Variants in GALNTL6 observed in about 807,000 individuals in gnomAD.
The protein encoded by GALNTL6 is polypeptide N-acetylgalactosaminyltransferase like 6.
Under a neutral mutation model 73.7 loss-of-function variants are expected in GALNTL6, and 46 were observed. The ratio of observed to expected loss-of-function variants is 0.62; its 90% CI spans 0.49 to 0.80. The LOEUF (loss-of-function observed/expected upper bound fraction) is 0.80. Ranked by LOEUF, GALNTL6 falls within the 30% of genes least tolerant of loss-of-function variation. The probability of loss-of-function intolerance (pLI) is 0.00; values close to 1 mark genes in which losing one functional copy is unlikely to be tolerated. For missense variants in GALNTL6, 604 were observed against 755.0 expected (o/e 0.80, Z 2.34); for synonymous variants, 259 against 263.7 (o/e 0.98, Z 0.17).
At chr4:172,157,042 A>G (rs1377994770) in intron 2 of GALNTL6, among the ~76,000 whole-genome samples, 1 of 152,134 alleles carries the variant, frequency 6.6e-6, no homozygotes, top group East Asian at 1.9e-4. Context: ...ACTAGGAACA[A>G]TATTTATAAG....
At chr4:171,964,463 T>A (rs1739325784) in intron 2 of GALNTL6, among the ~76,000 whole-genome samples, 1 of 152,188 alleles carries the variant, frequency 6.6e-6, no homozygotes, top group African/African-American at 2.4e-5. Flanking sequence ...TTAATTATAT[T>A]GTTTCATCCC....
At chr4:172,743,649 A>G (rs1736928649) in intron 5 of GALNTL6, among the ~76,000 whole-genome samples, 1 of 152,078 alleles carries the variant, frequency 6.6e-6, no homozygotes, top group African/African-American at 2.4e-5. Flanking sequence ...GTAGTGGACC[A>G]GTATGATGCT....
chr4:172,684,592 A>G (rs1004439643), intron 5 of GALNTL6, among the ~76,000 whole-genome samples: 3 of 152,230 alleles, frequency 2.0e-5, no homozygotes, highest in African/African-American at 7.2e-5. Flanking sequence ...TGGAAAAGGA[A>G]GAAGAAACTG....
chr4:172,335,114 A>AT (rs1442613311), intron 4 of GALNTL6, among the ~76,000 whole-genome samples: 1 of 151,860 alleles, frequency 6.6e-6, no homozygotes, highest in African/African-American at 2.4e-5. Context: ...CGCCCAGCTA[A>AT]TTTTTTGTAT....
At position 172,644,284 on chromosome 4, in the gene GALNTL6, C is replaced by CACATAT. The variant is rs200324718; in HGVS notation, c.554-165061_554-165056dup. ...GTGTATGAATGTATGAGTGAACACACACATATACATATACATATACACATA... is the reference window on the plus strand; with the variant it reads ...GTGTATGAATGTATGAGTGAACACACACATATACATATACATATACATATACACATA... On this transcript the variant is annotated intron_variant, in intron 5 of 12. Coordinates refer to ENST00000506823, the MANE Select transcript of GALNTL6 (RefSeq NM_001034845.3). Among the ~76,000 whole-genome samples, 1,282 of 151,400 alleles carry CACATAT rather than the reference C, an allele frequency of 8.5e-3. 16 individuals are homozygous for CACATAT. Among genetic ancestry groups the CACATAT allele is most frequent in the African/African-American group, 0.026 (1,073 of 41,330 alleles).
chr4:172,790,861 T>C (rs956840902), intron 5 of GALNTL6, among the ~76,000 whole-genome samples: 2 of 140,054 alleles, frequency 1.4e-5, no homozygotes, highest in African/African-American at 5.4e-5. Flanking sequence ...ATCACACTAC[T>C]GCACTCCAGC....
rs1258641695 is a variant in GALNTL6 at position 172,858,831 on chromosome 4, T to C, written c.924-23959T>C. Among the ~76,000 whole-genome samples, 3 of 152,112 alleles carry C rather than the reference T, an allele frequency of 2.0e-5. No individual in the cohort carries two copies. In the East Asian group the frequency reaches 5.8e-4, roughly 29 times the overall value. Reference sequence around the variant, plus strand: ...ACCAGATAGGAACGTGACTGGGACTTGCAGTAGATAATGCAGGGAAAAGTT... The same window carrying C: ...ACCAGATAGGAACGTGACTGGGACTCGCAGTAGATAATGCAGGGAAAAGTT... On this transcript the variant is annotated intron_variant, in intron 7 of 12. Coordinates refer to ENST00000506823, the MANE Select transcript of GALNTL6 (RefSeq NM_001034845.3).
At chr4:172,076,821 A>C (rs1465761776) in intron 2 of GALNTL6, among the ~76,000 whole-genome samples, 2 of 152,210 alleles carry the variant, frequency 1.3e-5, no homozygotes, top group African/African-American at 4.8e-5. Flanking sequence ...ATTACAACAT[A>C]AGGCCAATTA....
rs148954878 is a variant in GALNTL6, at chr4:172,472,179, G to A, written c.553+123490G>A. ...GAGTCACTATTACATACCAGGCATAGGTCTAAGAGTTGCATGGGTCACTCA... is the reference window on the plus strand; with the variant it reads ...GAGTCACTATTACATACCAGGCATAAGTCTAAGAGTTGCATGGGTCACTCA... On this transcript the variant is annotated intron_variant, in intron 5 of 12. Transcript: ENST00000506823. Among the ~76,000 whole-genome samples the A allele has an allele frequency of 2.0e-5, 3 of 152,240 alleles. No homozygotes were observed. The East Asian group carries it at 5.8e-4, about 29-fold the overall frequency.
At chr4:172,543,233 C>G (rs1376705419) in intron 5 of GALNTL6, among the ~76,000 whole-genome samples, 1 of 152,206 alleles carries the variant, frequency 6.6e-6, no homozygotes, top group African/African-American at 2.4e-5. Flanking sequence ...CAACCAATTA[C>G]GTGCACATGC....
chr4:172,019,703 C>T (rs748579493), intron 2 of GALNTL6, among the ~76,000 whole-genome samples: 1 of 152,032 alleles, frequency 6.6e-6, no homozygotes, highest in Non-Finnish European at 1.5e-5. Flanking sequence ...GAGAGATAGA[C>T]TCTGATACAA....
At chr4:172,484,612 C>T (rs1733607583) in intron 5 of GALNTL6, among the ~76,000 whole-genome samples, 1 of 152,084 alleles carries the variant, frequency 6.6e-6, no homozygotes, top group Non-Finnish European at 1.5e-5. Context: ...TTTTATGTTT[C>T]CCAGACTGGG....
intron 2 of GALNTL6, among the ~76,000 whole-genome samples, chr4:172,166,560 T>A (rs925017543): frequency 6.6e-6 from 1 of 152,172 alleles, no homozygotes; most frequent in Admixed American, 6.5e-5. Flanking sequence ...AGCCAAATCA[T>A]CTGATCTGAA....
intron 7 of GALNTL6, among the ~76,000 whole-genome samples, chr4:172,880,383 T>C (rs1314727274): frequency 5.9e-5 from 9 of 152,072 alleles, no homozygotes; most frequent in Admixed American, 5.9e-4. Context: ...ATAGTTATAT[T>C]GAATGGAAGA....
intron 2 of GALNTL6, among the ~76,000 whole-genome samples, chr4:172,166,680 G>A (rs1050947949): frequency 2.6e-5 from 4 of 152,108 alleles, no homozygotes; most frequent in African/African-American, 7.2e-5. Flanking sequence ...AAGTATTGAT[G>A]TTGATCTTCC....
intron 5 of GALNTL6, among the ~76,000 whole-genome samples, chr4:172,701,157 T>C (rs1252724040): frequency 6.6e-6 from 1 of 152,126 alleles, no homozygotes; most frequent in Non-Finnish European, 1.5e-5. Context: ...TGTTTATTGA[T>C]TTACATTAGA....
At chr4:172,702,919 G>GTTAA (rs918170395) in intron 5 of GALNTL6, among the ~76,000 whole-genome samples, 5 of 151,686 alleles carry the variant, frequency 3.3e-5, no homozygotes, top group African/African-American at 1.2e-4. Flanking sequence ...CTTTTCTATG[G>GTTAA]TTAAGCATTT....
At chr4:172,304,210 C>CAA (rs1740042918) in intron 3 of GALNTL6, among the ~76,000 whole-genome samples, 7 of 152,116 alleles carry the variant, frequency 4.6e-5, no homozygotes, top group Admixed American at 4.6e-4. Flanking sequence ...TTCATTTCCC[C>CAA]TGAGTAATAA....
intron 8 of GALNTL6, among the ~76,000 whole-genome samples, chr4:172,930,862 G>A (rs115080683): frequency 0.018 from 2,786 of 152,096 alleles, 39 homozygotes; most frequent in Non-Finnish European, 0.028. Context: ...ATGTGGTTTC[G>A]TCATGTTGCC....
Sources: allele counts gnomAD v4.1 joint callset (sites outside exome capture counted in the v4.1 genomes callset), GRCh38; gene constraint gnomAD v4.1.1; transcripts MANE v1.5; gene names NCBI Gene and HGNC (gene_info 2026-07-23, HGNC 2026-07-21).